The following EAPP variants were observed in gnomAD, a reference collection of about 807,000 sequenced individuals.
The protein encoded by EAPP is E2F associated phosphoprotein.
In EAPP, 38 loss-of-function variants were observed where a neutral mutation model predicts 34.3. The observed-to-expected ratio is 1.11, with a 90% CI of 0.85 to 1.45. The LOEUF is 1.45. Among genes scored for constraint, EAPP ranks in the 40% most tolerant of loss-of-function variants. The pLI is 0.00. For missense variants in EAPP, 338 were observed against 343.7 expected, an observed-to-expected ratio of 0.98 and a Z score of 0.13; for synonymous variants, 113 against 117.6, an observed-to-expected ratio of 0.96 and a Z score of 0.25.
In EAPP at chr14:34,533,552, GAAGTA is replaced by G. The variant is rs1880365959; in HGVS notation, c.257-18_257-14del. The G allele has an allele frequency of 2.6e-6, 4 of 1,542,384 alleles. No individual in the cohort carries two copies. The South Asian group carries it at 4.9e-5, about 19-fold the overall frequency. On this transcript the variant is annotated splice_polypyrimidine_tract_variant and intron_variant, in intron 2 of 5. Coordinates refer to ENST00000250454, the MANE Select transcript of EAPP (RefSeq NM_018453.4). The stretch of plus-strand genomic sequence containing the variant: ...CCTGAGGAAGATCCTATTCAAACCA[GAAGTA>G]AAGTTTACAGACTAAATCATACATA...
chr14:34,522,278 T>C (rs1245420920), intron 5 of EAPP, among the ~76,000 whole-genome samples: 1 of 132,264 alleles, frequency 7.6e-6, no homozygotes, highest in Non-Finnish European at 1.8e-5. Flanking sequence ...ATTATTTCGA[T>C]CTCTGTTAAA....
intron 4 of EAPP, 120 bp from the exon 5 acceptor site, chr14:34,524,927 G>A: frequency 1.4e-6 from 1 of 718,544 alleles, no homozygotes; most frequent in Non-Finnish European, 2.3e-6. Context: ...CTAGGAATAA[G>A]GAACACAAGA....
intron 2 of EAPP, among the ~76,000 whole-genome samples, chr14:34,534,244 T>A (rs1439411227): frequency 6.6e-6 from 1 of 151,818 alleles, no homozygotes; most frequent in Non-Finnish European, 1.5e-5. Context: ...GTGATTCCCC[T>A]GCCTGACCTT....
intron 5 of EAPP, among the ~76,000 whole-genome samples, chr14:34,523,891 G>T (rs1016339653): frequency 4.0e-5 from 6 of 151,886 alleles, no homozygotes; most frequent in African/African-American, 1.5e-4. Flanking sequence ...AAAATTAATT[G>T]TATAAAGATT....
At chr14:34,539,151 G>A in intron 1 of EAPP, 1 of 327,138 alleles carries the variant, frequency 3.1e-6, no homozygotes, top group East Asian at 7.1e-5. Flanking sequence ...TAAGTCCTGT[G>A]AGCCTCACAA....
intron 1 of EAPP, among the ~76,000 whole-genome samples, chr14:34,538,850 T>C (rs1432825834): frequency 6.6e-6 from 1 of 152,184 alleles, no homozygotes; most frequent in Non-Finnish European, 1.5e-5. Context: ...GCAAAACAGC[T>C]TCAAGTTTCC....
intron 3 of EAPP, 63 bp downstream of exon 3, chr14:34,533,381 T>C: frequency 2.2e-6 from 3 of 1,343,942 alleles, no homozygotes; most frequent in South Asian, 2.4e-5. Context: ...TAACATCTAA[T>C]AATTGTTAGG....
Position 34,533,396 on chromosome 14 carries a change from C to T in EAPP, c.352+48G>A, listed in dbSNP as rs76593361. On this transcript the variant is annotated intron_variant, in intron 3 of 5. Transcript: ENST00000250454. ...TAACATCTAATAATTGTTAGGTAAACCTTTTTTATAAAATATAACTGCTAA... is the reference window on the plus strand; with the variant it reads ...TAACATCTAATAATTGTTAGGTAAATCTTTTTTATAAAATATAACTGCTAA... 3,344 of 1,467,620 alleles carry T rather than the reference C, an allele frequency of 2.3e-3. 52 individuals are homozygous for T. The African/African-American group carries it at 0.041, about 18-fold the overall frequency. 90.9% of individuals were successfully genotyped at this position (1,467,620 alleles called of 1,614,324 possible). A position where few individuals can be genotyped will look rare whatever the true frequency, so the allele number is the denominator to read the frequency against.
chr14:34,531,593 C>G (rs1880292816), intron 3 of EAPP, among the ~76,000 whole-genome samples: 1 of 151,936 alleles, frequency 6.6e-6, no homozygotes, highest in Non-Finnish European at 1.5e-5. Context: ...TAGAGCGAGA[C>G]TTTGTCTCAA....
intron 5 of EAPP, among the ~76,000 whole-genome samples, chr14:34,517,579 T>C (rs1326516698): frequency 6.6e-6 from 1 of 152,024 alleles, no homozygotes; most frequent in African/African-American, 2.4e-5. Context: ...GTCTCAGTTG[T>C]TATGCCTTCT....
At chr14:34,527,335 T>C (rs1010366820) in intron 4 of EAPP, among the ~76,000 whole-genome samples, 1 of 152,054 alleles carries the variant, frequency 6.6e-6, no homozygotes, top group East Asian at 1.9e-4. Flanking sequence ...AGGTGGTGTG[T>C]GCCTATAGTC....
At chr14:34,524,866 G>T in intron 4 of EAPP, 59 bp from the exon 5 acceptor site, 2 of 1,360,302 alleles carry the variant, frequency 1.5e-6, no homozygotes, top group Non-Finnish European at 2.1e-6. Context: ...TTGGTTTCTA[G>T]TGTCATTTTC....
chr14:34,532,691 T>C (rs77292663), intron 3 of EAPP, among the ~76,000 whole-genome samples: 1 of 151,162 alleles, frequency 6.6e-6, no homozygotes, highest in African/African-American at 2.4e-5. Context: ...TTTTTTTTTT[T>C]TGAGACGGAG....
chr14:34,534,819 A>G (rs1185778102), intron 2 of EAPP, among the ~76,000 whole-genome samples: 2 of 148,752 alleles, frequency 1.3e-5, no homozygotes, highest in Admixed American at 6.9e-5. Context: ...TGGGCAACAT[A>G]GTGAGACCCT....
Position 34,516,432 on chromosome 14 carries a change from C to T in EAPP, c.736G>A (p.Ala246Thr), listed in dbSNP as rs1355651834. 2 of 1,614,186 alleles carry T rather than the reference C, an allele frequency of 1.2e-6. No individual in the cohort carries two copies. Among genetic ancestry groups the T allele is most frequent in the South Asian group, 2.2e-5 (2 of 91,088 alleles). The change falls in exon 6 of 6, where the codon GCA (alanine) becomes ACA (threonine). Residue 246 changes from alanine to threonine, a missense_variant. Ala to Thr is a moderately conservative substitution (Grantham distance 58, BLOSUM62 0). Transcript: ENST00000250454. ...RSNREDAAEK[A>T]ETDVEEIYHP... The stretch of plus-strand genomic sequence containing the variant: ...TAGATTTCTTCCACATCTGTCTCTG[C>T]CTTCTCGGCAGCATCTTCCCGGTTA...
intron 5 of EAPP, among the ~76,000 whole-genome samples, chr14:34,522,819 CCTT>C (rs1879962009): frequency 6.6e-6 from 1 of 152,134 alleles, no homozygotes; most frequent in African/African-American, 2.4e-5. Flanking sequence ...CTCTGGCTAT[CCTT>C]CTTTGTCTCT....
intron 2 of EAPP, 57 bp from the exon 3 acceptor site, chr14:34,533,596 A>G (rs1211826482): frequency 9.0e-7 from 1 of 1,115,072 alleles, no homozygotes; most frequent in Admixed American, 2.5e-5. Flanking sequence ...CACAAGGCAA[A>G]AAACTCCATA....
chr14:34,533,092 T>G (rs1285325931), intron 3 of EAPP, among the ~76,000 whole-genome samples: 2 of 152,164 alleles, frequency 1.3e-5, no homozygotes, highest in East Asian at 3.8e-4. Context: ...TGGAGTGCAA[T>G]GGTGCAATCT....
chr14:34,530,264 G>T (rs1880239447), intron 3 of EAPP, among the ~76,000 whole-genome samples: 1 of 152,046 alleles, frequency 6.6e-6, no homozygotes, highest in Non-Finnish European at 1.5e-5. Flanking sequence ...GGGTGCGGTA[G>T]CTCACAACCT....
Sources: gnomAD v4.1 joint callset for allele counts (sites outside exome capture counted in the v4.1 genomes callset) on GRCh38, gnomAD v4.1.1 for gene constraint, MANE v1.5 for transcripts, NCBI Gene and HGNC (gene_info 2026-07-23, HGNC 2026-07-21) for gene names.